Variants in FABP1 observed in about 807,000 individuals in gnomAD.
FABP1 encodes fatty acid binding protein 1.
In FABP1, 13 loss-of-function variants were observed where a neutral mutation model predicts 13.7. The observed-to-expected ratio is 0.95, with a 90% CI of 0.62 to 1.51. FABP1 has a LOEUF of 1.51. Ranked by LOEUF, FABP1 falls within the 40% of genes most tolerant of loss-of-function variation. The pLI is 0.00. For synonymous variants in FABP1, 48 were observed against 59.8 expected, an observed-to-expected ratio of 0.80 and a Z score of 0.91; for missense variants, 140 against 155.7, an observed-to-expected ratio of 0.90 and a Z score of 0.54.
At position 88,128,004 on chromosome 2, in the gene FABP1, C is replaced by T; in HGVS notation, c.14G>A (p.Gly5Asp). MSFSGKYQLQSQENF... is the reference protein window; with the variant it reads MSFSDKYQLQSQENF... ...TTCCTGGCTCTGCAGTTGGTACTTG[C>T]CGGAGAAACTCATGGTGGCAATAGA... Residue 5 changes from glycine (G) to aspartate (D), a missense_variant, in exon 1 of 4, where the codon GGC becomes GAC. Gly to Asp is a moderately conservative substitution (Grantham distance 94, BLOSUM62 -1). Coordinates refer to ENST00000295834, the MANE Select transcript of FABP1 (RefSeq NM_001443.3). The T allele has an allele frequency of 1.2e-6, 2 of 1,614,160 alleles. No individual in the cohort carries two copies. The highest frequency in any genetic ancestry group is 1.7e-6 in the Non-Finnish European group (2 of 1,180,018).
chr2:88,124,424 C>T (rs768000700), intron 3 of FABP1, 70 bp downstream of exon 3: 1 of 1,211,072 alleles, frequency 8.3e-7, no homozygotes, highest in Non-Finnish European at 1.2e-6. Flanking sequence ...ATGTGAGCCG[C>T]TCCCCATGCT....
At chr2:88,124,431 T>G in intron 3 of FABP1, 63 bp downstream of exon 3, 1 of 1,303,132 alleles carries the variant, frequency 7.7e-7, no homozygotes, top group Non-Finnish European at 1.1e-6. Context: ...CCGCTCCCCA[T>G]GCTTCACCTC....
intron 1 of FABP1, 183 bp from the exon 2 acceptor site, chr2:88,126,531 C>T: frequency 1.7e-6 from 1 of 599,778 alleles, no homozygotes; most frequent in Non-Finnish European, 3.0e-6. Context: ...AAGGAAGGGA[C>T]AGTGACCTGG....
At chr2:88,127,771 C>T (rs1262279457) in intron 1 of FABP1, among the ~76,000 whole-genome samples, 180 bp downstream of exon 1, 1 of 152,172 alleles carries the variant, frequency 6.6e-6, no homozygotes, top group Non-Finnish European at 1.5e-5. Flanking sequence ...TATGGGGTGG[C>T]CTTGTGCAGT....
intron 2 of FABP1, 86 bp from the exon 3 acceptor site, chr2:88,124,672 C>G: frequency 2.1e-6 from 2 of 949,548 alleles, no homozygotes; most frequent in Admixed American, 4.5e-5. Context: ...TTGCACAGGT[C>G]TCAGCTCATA....
At position 88,126,542 on chromosome 2, in the gene FABP1, C is replaced by T. The variant is rs1558866548; in HGVS notation, c.68-194G>A. Reference sequence around the variant, plus strand: ...CAGAAAGGAAGGGACAGTGACCTGGCCTGGCCTGCTGCTATCTTGCCAGTC... The same window carrying T: ...CAGAAAGGAAGGGACAGTGACCTGGTCTGGCCTGCTGCTATCTTGCCAGTC... On this transcript the variant is annotated intron_variant, in intron 1 of 3. Coordinates refer to ENST00000295834, the MANE Select transcript of FABP1 (RefSeq NM_001443.3). 9.1e-6 allele frequency: 5 copies of T among 548,456 alleles called. No individual in the cohort carries two copies. The East Asian group carries it at 1.4e-4, about 15-fold the overall frequency. The allele number at this position is 548,456 out of a possible 1,614,324, so 34.0% of individuals were successfully genotyped here.
chr2:88,124,347 G>A (rs568194278), intron 3 of FABP1, 147 bp downstream of exon 3: 2 of 585,154 alleles, frequency 3.4e-6, no homozygotes, highest in Non-Finnish European at 6.0e-6. Flanking sequence ...TCCTCAGTAA[G>A]TGCTGGCAGA....
intron 2 of FABP1, among the ~76,000 whole-genome samples, chr2:88,124,807 G>C (rs891483209): frequency 6.6e-6 from 1 of 152,146 alleles, no homozygotes; most frequent in Non-Finnish European, 1.5e-5. Flanking sequence ...TTAATTCATG[G>C]CATGTGATCT....
At chr2:88,123,964 T>C (rs1258410292) in intron 3 of FABP1, 1 of 152,444 alleles carries the variant, frequency 6.6e-6, no homozygotes. Context: ...AATTTTTCCA[T>C]TTGAATAGAG....
chr2:88,126,253 C>T lies in FABP1; in HGVS notation c.163G>A (p.Gly55Arg), dbSNP rs754803264. The T allele has an allele frequency of 5.6e-6, 9 of 1,614,016 alleles. No homozygotes were observed. In the South Asian group the frequency reaches 8.8e-5, roughly 16 times the overall value. The change falls in exon 2 of 4, where the codon GGG (glycine) becomes AGG (arginine). Residue 55 changes from glycine (G) to arginine (R), a missense_variant. By Grantham distance (125) the Gly-to-Arg change is moderately radical (BLOSUM62 -2). Coordinates refer to ENST00000295834, the MANE Select transcript of FABP1 (RefSeq NM_001443.3). The stretch of plus-strand genomic sequence containing the variant: ...AATTCGTTTTGGATCACTTTGGACC[C>T]AGCGGTGATGGTGAACTTGAAGTGC... ...GKHFKFTITA[G>R]SKVIQNEFTV...
Position 88,126,305 on chromosome 2 carries a change from C to A in FABP1, c.111G>T (p.Gly37=). Residue 37 remains glycine, a synonymous_variant, in exon 2 of 4, where the codon GGG becomes GGT. Coordinates refer to ENST00000295834, the MANE Select transcript of FABP1 (RefSeq NM_001443.3). ...ELIQKGKDIK[G]VSEIVQNGKH... is the part of the protein sequence containing the mutation. Reference sequence around the variant, plus strand: ...TCCCATTCTGCACGATTTCCGACACCCCCTTGATATCCTTCCCCTTCTGGA... The same window carrying A: ...TCCCATTCTGCACGATTTCCGACACACCCTTGATATCCTTCCCCTTCTGGA... The A allele has an allele frequency of 6.2e-7, 1 of 1,613,930 alleles. No individual in the cohort carries two copies. Among genetic ancestry groups the A allele is most frequent in the Non-Finnish European group, 8.5e-7 (1 of 1,179,862 alleles).
Position 88,127,931 on chromosome 2 carries a change from C to A in FABP1, c.67+20G>T. 1 of 1,613,694 alleles carries A rather than the reference C, an allele frequency of 6.2e-7. No homozygotes were observed. Among genetic ancestry groups the A allele is most frequent in the Non-Finnish European group, 8.5e-7 (1 of 1,179,580 alleles). Reference sequence around the variant, plus strand: ...CTCACTGATGTGACCCACAGCTTTGCCTTTCAGTCCAGCACTCACCGATTG... The same window carrying A: ...CTCACTGATGTGACCCACAGCTTTGACTTTCAGTCCAGCACTCACCGATTG... On this transcript the variant is annotated intron_variant, in intron 1 of 3. Coordinates refer to ENST00000295834, the MANE Select transcript of FABP1 (RefSeq NM_001443.3).
chr2:88,125,484 C>T (rs1036434035), intron 2 of FABP1, among the ~76,000 whole-genome samples: 2 of 152,114 alleles, frequency 1.3e-5, no homozygotes, highest in African/African-American at 4.8e-5. Flanking sequence ...GACGGGCACC[C>T]CCATTGCCAG....
intron 2 of FABP1, among the ~76,000 whole-genome samples, chr2:88,124,967 A>G (rs1675269873): frequency 7.8e-6 from 1 of 127,558 alleles, no homozygotes; most frequent in Admixed American, 8.1e-5. Context: ...TTTGGTATGT[A>G]TTCTTCTTTT....
chr2:88,127,329 C>A (rs1020647997), intron 1 of FABP1, among the ~76,000 whole-genome samples: 1 of 152,168 alleles, frequency 6.6e-6, no homozygotes, highest in Non-Finnish European at 1.5e-5. Flanking sequence ...TGCCTGCTTC[C>A]AATCCTAACT....
At chr2:88,124,463 G>A in intron 3 of FABP1, 31 bp downstream of exon 3, 4 of 1,555,942 alleles carry the variant, frequency 2.6e-6, no homozygotes, top group South Asian at 1.1e-5. Flanking sequence ...CAAGCACTGG[G>A]AGCCACACGC....
intron 1 of FABP1, 79 bp downstream of exon 1, chr2:88,127,872 G>C (rs1675328966): frequency 7.2e-7 from 1 of 1,390,882 alleles, no homozygotes; most frequent in African/African-American, 1.4e-5. Flanking sequence ...TCAACATTTG[G>C]ACCCTAAATA....
At chr2:88,124,333 T>A in intron 3 of FABP1, 161 bp downstream of exon 3, 1 of 566,804 alleles carries the variant, frequency 1.8e-6, no homozygotes, top group Non-Finnish European at 3.1e-6. Flanking sequence ...TGGGACATGA[T>A]GGATCCTCAG....
intron 1 of FABP1, 30 bp downstream of exon 1, chr2:88,127,921 C>T: frequency 1.2e-6 from 2 of 1,612,576 alleles, no homozygotes; most frequent in Non-Finnish European, 1.7e-6. Flanking sequence ...TGATGTGACC[C>T]ACAGCTTTGC....
Sources: allele counts gnomAD v4.1 joint callset (sites outside exome capture counted in the v4.1 genomes callset), GRCh38; gene constraint gnomAD v4.1.1; transcripts MANE v1.5; gene names NCBI Gene and HGNC (gene_info 2026-07-23, HGNC 2026-07-21).